ZNF439: variants seen among roughly 807,000 people sequenced by gnomAD.
ZNF439 encodes zinc finger protein 439.
In ZNF439, 40 loss-of-function variants were observed where a neutral mutation model predicts 47.3. The ratio of observed to expected loss-of-function variants is 0.85; its 90% CI spans 0.66 to 1.10. The LOEUF is 1.10. Ranked by LOEUF, ZNF439 falls within the 50% of genes least tolerant of loss-of-function variation. The pLI is 0.00. For synonymous variants in ZNF439, 171 were observed against 198.8 expected, an observed-to-expected ratio of 0.86 and a Z score of 1.18; for missense variants, 556 against 601.1, an observed-to-expected ratio of 0.93 and a Z score of 0.78.
In ZNF439 at chr19:11,868,165, G is replaced by A; in HGVS notation, c.1111G>A (p.Ala371Thr). Residue 371 changes from alanine to threonine, a missense_variant, in exon 4 of 4, where the codon GCC becomes ACC. By Grantham distance (58) the Ala-to-Thr change is moderately conservative. Coordinates refer to ENST00000682736, the MANE Select transcript of ZNF439 (RefSeq NM_001348719.2). Reference protein sequence around the residue: ...CKTCGKGFYSAKSFQRHEKTH... With the variant: ...CKTCGKGFYSTKSFQRHEKTH... ...GACATGTGGGAAAGGCTTTTATTCT[G>A]CCAAGTCATTTCAAAGACATGAAAA... The A allele has an allele frequency of 6.2e-7, 1 of 1,614,024 alleles. No individual in the cohort carries two copies. The highest frequency in any genetic ancestry group is 8.5e-7 in the Non-Finnish European group (1 of 1,180,006).
intron 3 of ZNF439, 106 bp downstream of exon 3, chr19:11,866,703 A>G: frequency 8.5e-7 from 1 of 1,181,262 alleles, no homozygotes; most frequent in Non-Finnish European, 1.2e-6. Context: ...GATCAAGTTC[A>G]TTTATTCATA....
chr19:11,861,281 A>T (rs1976533459), intron 1 of ZNF439, among the ~76,000 whole-genome samples: 1 of 152,058 alleles, frequency 6.6e-6, no homozygotes, highest in South Asian at 2.1e-4. Context: ...CCTTATCAGG[A>T]TGTCTTTGGG....
intron 1 of ZNF439, among the ~76,000 whole-genome samples, chr19:11,864,205 T>C (rs896473241): frequency 1.3e-5 from 2 of 152,152 alleles, no homozygotes; most frequent in Admixed American, 1.3e-4. Context: ...TACAAATAAC[T>C]CCCACATGCT....
intron 1 of ZNF439, among the ~76,000 whole-genome samples, chr19:11,859,083 G>A (rs72994204): frequency 0.023 from 3,499 of 152,286 alleles, 79 homozygotes; most frequent in East Asian, 0.079. Context: ...AGGTGCTAGT[G>A]CACATTTACA....
chr19:11,866,469 C>A, intron 2 of ZNF439, 68 bp from the exon 3 acceptor site: 1 of 1,602,726 alleles, frequency 6.2e-7, no homozygotes, highest in Non-Finnish European at 8.5e-7. Context: ...AAATCATGGG[C>A]ATAGGTCTAA....
At chr19:11,866,405 A>G in intron 2 of ZNF439, 74 bp downstream of exon 2, 1 of 1,607,922 alleles carries the variant, frequency 6.2e-7, no homozygotes. Context: ...CTGTTGAGTG[A>G]TTTGGAACAC....
At position 11,868,622 on chromosome 19, in the gene ZNF439, GA is replaced by G. The variant is rs1232202049; in HGVS notation, c.*59del. The G allele has an allele frequency of 1.3e-6, 2 of 1,552,828 alleles. No homozygotes were observed. Among genetic ancestry groups the G allele is most frequent in the East Asian group, 2.2e-5 (1 of 44,536 alleles). On this transcript the variant is annotated 3_prime_UTR_variant, in exon 4 of 4. Coordinates refer to ENST00000682736, the MANE Select transcript of ZNF439 (RefSeq NM_001348719.2). The stretch of plus-strand genomic sequence containing the variant: ...TTCTGCCAAGTTATTTCAAACACAT[GA>G]AAAAATTCACACTGGAGAGAAACCC...
chr19:11,851,622 A>G (rs540466980), intron 1 of ZNF439, among the ~76,000 whole-genome samples: 68 of 151,192 alleles, frequency 4.5e-4, no homozygotes, highest in East Asian at 1.9e-3. Flanking sequence ...ATAGGATTAC[A>G]TTTTCCATAG....
chr19:11,866,413 C>G (rs140864191), intron 2 of ZNF439, 82 bp downstream of exon 2: 1 of 1,605,926 alleles, frequency 6.2e-7, no homozygotes, highest in Non-Finnish European at 8.5e-7. Context: ...TGATTTGGAA[C>G]ACAGACAGGA....
intron 1 of ZNF439, chr19:11,849,393 C>A: frequency 1.4e-6 from 1 of 722,098 alleles, no homozygotes; most frequent in Non-Finnish European, 1.7e-6. Context: ...GGTTTGTCAA[C>A]GGAAAAAAAA....
intron 1 of ZNF439, chr19:11,858,216 T>C (rs1395151184): frequency 6.6e-6 from 1 of 151,486 alleles, no homozygotes; most frequent in Non-Finnish European, 1.5e-5. Context: ...CCCAGCACTT[T>C]GGGAGGCCGA....
intron 1 of ZNF439, among the ~76,000 whole-genome samples, chr19:11,852,645 G>A (rs986802384): frequency 6.6e-6 from 1 of 152,138 alleles, no homozygotes; most frequent in Non-Finnish European, 1.5e-5. Context: ...AAGTAGCTGG[G>A]ATTACAGGTA....
chr19:11,861,552 C>T (rs1185643696), intron 1 of ZNF439, among the ~76,000 whole-genome samples: 1 of 152,118 alleles, frequency 6.6e-6, no homozygotes, highest in East Asian at 1.9e-4. Context: ...GCTTCTCCCT[C>T]CCAACTCCAG....
Position 11,868,120 on chromosome 19 carries a change from G to A in ZNF439, c.1066G>A (p.Glu356Lys), listed in dbSNP as rs776458574. 3.7e-6 allele frequency: 6 copies of A among 1,614,200 alleles called. No homozygotes were observed. In the South Asian group the frequency reaches 6.6e-5, roughly 18 times the overall value. The part of the protein sequence containing the change: ...FQTHIRMHSG[E>K]RPYECKTCGK... ...AACACACATAAGAATGCACTCTGGA[G>A]AAAGACCTTATGAATGTAAGACATG... Residue 356 changes from glutamate to lysine, a missense_variant, in exon 4 of 4, where the codon GAA becomes AAA. Coordinates refer to ENST00000682736, the MANE Select transcript of ZNF439 (RefSeq NM_001348719.2).
chr19:11,853,785 C>T (rs983951948), intron 1 of ZNF439, among the ~76,000 whole-genome samples: 4 of 152,092 alleles, frequency 2.6e-5, no homozygotes, highest in Non-Finnish European at 4.4e-5. Context: ...TTCTGATTGG[C>T]GGTCCATCTG....
chr19:11,860,803 C>A (rs746342413), intron 1 of ZNF439, among the ~76,000 whole-genome samples: 4 of 152,244 alleles, frequency 2.6e-5, no homozygotes, highest in Admixed American at 6.5e-5. Context: ...CTCCAGATGT[C>A]CCAGTAGATA....
intron 1 of ZNF439, among the ~76,000 whole-genome samples, chr19:11,860,959 C>T (rs1568257438): frequency 6.6e-6 from 1 of 152,170 alleles, no homozygotes; most frequent in Non-Finnish European, 1.5e-5. Flanking sequence ...GAGTTGGTCA[C>T]GACCCTCAAG....
Position 11,868,749 on chromosome 19 carries a change from G to T in ZNF439, c.*180G>T. ...AAAACTCTATGAGTGTAAGCAATGT[G>T]GGAAAGTCTTCAGATCTGTCAAGAA... On this transcript the variant is annotated 3_prime_UTR_variant, in exon 4 of 4. Coordinates refer to ENST00000682736, the MANE Select transcript of ZNF439 (RefSeq NM_001348719.2). 1.4e-6 allele frequency: 1 copy of T among 722,000 alleles called. No homozygotes were observed. The allele number at this position is 722,000 out of a possible 1,614,324, so 44.7% of individuals were successfully genotyped here. A position where few individuals can be genotyped will look rare whatever the true frequency, so the allele number is the denominator to read the frequency against.
At position 11,868,719 on chromosome 19, in the gene ZNF439, G is replaced by A; in HGVS notation, c.*150G>A. The A allele has an allele frequency of 3.5e-6, 3 of 867,722 alleles. No homozygotes were observed. The highest frequency in any genetic ancestry group is 2.3e-4 in the Middle Eastern group (1 of 4,400). 53.8% of individuals were successfully genotyped at this position (867,722 alleles called of 1,614,324 possible). ...TTCGATATCTAAAAGGACTCACAGT[G>A]GAGAAAAACTCTATGAGTGTAAGCA... On this transcript the variant is annotated 3_prime_UTR_variant, in exon 4 of 4. Transcript: ENST00000682736.
Sources: gnomAD v4.1 joint callset for allele counts (sites outside exome capture counted in the v4.1 genomes callset) on GRCh38, gnomAD v4.1.1 for gene constraint, MANE v1.5 for transcripts, NCBI Gene and HGNC (gene_info 2026-07-23, HGNC 2026-07-21) for gene names.